MAGI1: variants seen among roughly 807,000 people sequenced by gnomAD.
MAGI1 encodes membrane associated guanylate kinase, WW and PDZ domain containing 1, also known as membrane-associated guanylate kinase, WW and PDZ domain-containing protein 1.
In MAGI1, 58 loss-of-function variants were observed where a neutral mutation model predicts 139.9. The ratio of observed to expected loss-of-function variants is 0.41; its 90% CI spans 0.34 to 0.52. The LOEUF is 0.52. MAGI1 is among the 20% of genes least tolerant of loss of function. The pLI, the probability that MAGI1 is intolerant of heterozygous loss-of-function variation, is 0.12. For missense variants in MAGI1, 1,874 were observed against 1,901.6 expected (o/e 0.99, Z 0.27); for synonymous variants, 812 against 737.9 (o/e 1.10, Z -1.63).
intron 1 of MAGI1, among the ~76,000 whole-genome samples, chr3:65,782,598 T>C (rs1291013154): frequency 1.8e-5 from 2 of 111,486 alleles, no homozygotes; most frequent in Non-Finnish European, 3.5e-5. Context: ...TTTTAAAGTA[T>C]ATGGATTTCT....
At chr3:65,438,624 C>T (rs1480931384) in intron 9 of MAGI1, among the ~76,000 whole-genome samples, 1 of 152,188 alleles carries the variant, frequency 6.6e-6, no homozygotes, top group African/African-American at 2.4e-5. Flanking sequence ...ATTGTACAGT[C>T]CAGGGCAGTG....
intron 1 of MAGI1, among the ~76,000 whole-genome samples, chr3:65,872,489 C>T (rs2059972094): frequency 6.6e-6 from 1 of 152,154 alleles, no homozygotes. Context: ...CACAAACACA[C>T]ACTCTAAGCA....
intron 1 of MAGI1, among the ~76,000 whole-genome samples, chr3:65,994,084 G>C (rs1387553192): frequency 6.6e-6 from 1 of 152,028 alleles, no homozygotes; most frequent in African/African-American, 2.4e-5. Flanking sequence ...GACCAGCCTG[G>C]CCAACATGGT....
intron 18 of MAGI1, among the ~76,000 whole-genome samples, chr3:65,371,490 C>A (rs1941986346): frequency 6.6e-6 from 1 of 152,122 alleles, no homozygotes; most frequent in Admixed American, 6.5e-5. Flanking sequence ...GAGGGTCTTG[C>A]CTTGATGTTG....
At chr3:65,474,756 T>C (rs1401181839) in intron 4 of MAGI1, among the ~76,000 whole-genome samples, 1 of 152,156 alleles carries the variant, frequency 6.6e-6, no homozygotes, top group Non-Finnish European at 1.5e-5. Context: ...TATCTCCCAC[T>C]GTGTACAACC....
intron 8 of MAGI1, 98 bp from the exon 9 acceptor site, chr3:65,440,110 G>A (rs1468343322): frequency 1.5e-6 from 2 of 1,366,260 alleles, no homozygotes; most frequent in African/African-American, 1.4e-5. Context: ...GAGCAGAGCA[G>A]GTGGTCTGAG....
chr3:66,025,087 T>C (rs1443067952), intron 1 of MAGI1, among the ~76,000 whole-genome samples: 1 of 152,222 alleles, frequency 6.6e-6, no homozygotes, highest in African/African-American at 2.4e-5. Context: ...CGCTAAAATG[T>C]ATGTATGAGG....
At chr3:65,411,939 C>G (rs1382602549) in intron 12 of MAGI1, among the ~76,000 whole-genome samples, 1 of 152,122 alleles carries the variant, frequency 6.6e-6, no homozygotes, top group Non-Finnish European at 1.5e-5. Context: ...CCTAGATGAC[C>G]ACATGAGTCC....
intron 6 of MAGI1, among the ~76,000 whole-genome samples, chr3:65,449,834 C>G (rs1410544092): frequency 6.6e-6 from 1 of 152,076 alleles, no homozygotes. Context: ...AAGGCTCACA[C>G]AAATAAAACT....
intron 1 of MAGI1, among the ~76,000 whole-genome samples, chr3:65,734,148 A>C (rs1239226239): frequency 6.6e-6 from 1 of 152,120 alleles, no homozygotes; most frequent in Non-Finnish European, 1.5e-5. Context: ...CTCATTTTTC[A>C]TTTGCAGGTT....
chr3:65,572,105 C>T (rs1270247325), intron 2 of MAGI1, among the ~76,000 whole-genome samples: 1 of 152,064 alleles, frequency 6.6e-6, no homozygotes. Context: ...CTATTTAATT[C>T]TGACTAACAA....
At chr3:65,530,912 C>T (rs1163241488) in intron 2 of MAGI1, among the ~76,000 whole-genome samples, 1 of 146,342 alleles carries the variant, frequency 6.8e-6, no homozygotes, top group Non-Finnish European at 1.5e-5. Flanking sequence ...GAAAAACAGC[C>T]CAGTGTTGGA....
intron 12 of MAGI1, among the ~76,000 whole-genome samples, chr3:65,415,793 C>T (rs1040741196): frequency 2.0e-5 from 3 of 152,180 alleles, no homozygotes; most frequent in African/African-American, 7.2e-5. Flanking sequence ...TTGGCCCTGT[C>T]TGAAGACATT....
chr3:65,894,178 A>ATAACTT (rs2060878530), intron 1 of MAGI1, among the ~76,000 whole-genome samples: 1 of 152,214 alleles, frequency 6.6e-6, no homozygotes, highest in Non-Finnish European at 1.5e-5. Flanking sequence ...TTGTAAGAAC[A>ATAACTT]GCATAATTTC....
chr3:65,850,265 T>C, intron 1 of MAGI1, among the ~76,000 whole-genome samples: 1 of 152,188 alleles, frequency 6.6e-6, no homozygotes, highest in East Asian at 1.9e-4. Context: ...GTATACAAAC[T>C]AGAATGACCA....
intron 1 of MAGI1, among the ~76,000 whole-genome samples, chr3:65,699,900 T>G (rs1256728387): frequency 7.1e-6 from 1 of 141,554 alleles, no homozygotes; most frequent in Non-Finnish European, 1.6e-5. Flanking sequence ...ATTAAAAAAA[T>G]AAAAAAAAAA....
rs80240613 is a variant in MAGI1 at position 65,397,048 on chromosome 3, C to T, written c.2199+4391G>A. Among the ~76,000 whole-genome samples, 1,079 of 152,264 alleles carry T rather than the reference C, an allele frequency of 7.1e-3. 31 individuals carry two copies. The East Asian group carries it at 0.1, about 15-fold the overall frequency. ...AAAAGGCAGAGAAGGGGAGTTGCCA[C>T]GGGAAGTGAGAGGCAAGGAGACTGA... On this transcript the variant is annotated intron_variant, in intron 13 of 22. Transcript: ENST00000402939.
rs528934323 is a variant in MAGI1, at chr3:65,844,167, A to C, written c.313+193829T>G. 254 of 518,746 alleles carry C rather than the reference A, an allele frequency of 4.9e-4. 6 individuals carry two copies. The highest frequency in any genetic ancestry group is 3.5e-3 in the South Asian group (251 of 71,740). The allele number at this position is 518,746 out of a possible 1,614,324, so 32.1% of individuals were successfully genotyped here. A position where few individuals can be genotyped will look rare whatever the true frequency, so the allele number is the denominator to read the frequency against. ...AAAAAGAGTGCTAAATTTTTGCTGCACATGTGTAAAAATGCAGAGAGTCAT... is the reference window on the plus strand; with the variant it reads ...AAAAAGAGTGCTAAATTTTTGCTGCCCATGTGTAAAAATGCAGAGAGTCAT... On this transcript the variant is annotated intron_variant, in intron 1 of 22. Transcript: ENST00000402939.
At chr3:65,537,469 TC>T (rs2079011942) in intron 2 of MAGI1, among the ~76,000 whole-genome samples, 1 of 152,170 alleles carries the variant, frequency 6.6e-6, no homozygotes, top group Non-Finnish European at 1.5e-5. Flanking sequence ...CATGTGTTTC[TC>T]CCCAAACTGT....
Sources: gnomAD v4.1 joint callset for allele counts (sites outside exome capture counted in the v4.1 genomes callset) on GRCh38, gnomAD v4.1.1 for gene constraint, MANE v1.5 for transcripts, NCBI Gene and HGNC (gene_info 2026-07-23, HGNC 2026-07-21) for gene names.